SLX9: variants seen among roughly 807,000 people sequenced by gnomAD.
SLX9 encodes the protein SLX9 ribosome biogenesis factor.
SLX9 carries 19 observed loss-of-function variants against 20.8 expected under a neutral mutation model. The observed-to-expected ratio is 0.91, with a 90% CI of 0.64 to 1.34. SLX9 has a LOEUF of 1.34. SLX9 is among the 40% of genes most tolerant of loss of function. The probability of loss-of-function intolerance (pLI) is 0.00; values close to 1 mark genes in which losing one functional copy is unlikely to be tolerated. For missense variants in SLX9, 299 were observed against 322.2 expected, an observed-to-expected ratio of 0.93 and a Z score of 0.55; for synonymous variants, 113 against 137.1, an observed-to-expected ratio of 0.82 and a Z score of 1.23.
intron 2 of SLX9, among the ~76,000 whole-genome samples, chr21:44,958,657 T>A (rs964129389): frequency 2.0e-5 from 3 of 152,214 alleles, no homozygotes; most frequent in African/African-American, 7.2e-5. Context: ...CCGGAGCACT[T>A]CAGCAAGGGC....
At chr21:44,959,131 T>A in intron 2 of SLX9, 1 of 872,044 alleles carries the variant, frequency 1.1e-6, no homozygotes, top group African/African-American at 1.8e-5. Context: ...CCTTGGAGGT[T>A]TCACACCGGC....
chr21:44,960,528 A>T (rs1444247621), intron 3 of SLX9, among the ~76,000 whole-genome samples: 1 of 152,148 alleles, frequency 6.6e-6, no homozygotes, highest in African/African-American at 2.4e-5. Context: ...TTTGTTCCCC[A>T]CCGTGAAATT....
chr21:44,973,703 C>T (rs888182024), intron 5 of SLX9, among the ~76,000 whole-genome samples: 16 of 150,722 alleles, frequency 1.1e-4, no homozygotes, highest in Non-Finnish European at 1.6e-4. Context: ...TGTGCCCCCA[C>T]CCCGCCCTCT....
rs759567934 is a variant in SLX9 at position 44,943,850 on chromosome 21, C to T, written c.283+13C>T. ...TCCATCAGGAGAGGTGAGGCAGGCT[C>T]GACGGGTTACCATGCTGATACCCAG... On this transcript the variant is annotated intron_variant, in intron 2 of 5. Coordinates refer to ENST00000291634, the MANE Select transcript of SLX9 (RefSeq NM_058190.4). The T allele has an allele frequency of 4.0e-5, 65 of 1,613,814 alleles. No homozygotes were observed. The highest frequency in any genetic ancestry group is 5.0e-5 in the Admixed American group (3 of 60,000).
At chr21:44,969,636 C>T (rs1293239576) in intron 4 of SLX9, among the ~76,000 whole-genome samples, 1 of 152,188 alleles carries the variant, frequency 6.6e-6, no homozygotes, top group African/African-American at 2.4e-5. Context: ...AAGATGGTGC[C>T]AAGAGCTCCA....
chr21:44,976,604 C>T, intron 5 of SLX9, 76 bp from the exon 6 acceptor site: 5 of 1,527,070 alleles, frequency 3.3e-6, no homozygotes, highest in South Asian at 1.2e-5. Context: ...ATTTCGGTGT[C>T]TGACGTTTCC....
chr21:44,942,255 G>A (rs560436221), intron 1 of SLX9, among the ~76,000 whole-genome samples: 1 of 152,200 alleles, frequency 6.6e-6, no homozygotes, highest in African/African-American at 2.4e-5. Context: ...CTGTTTGCCT[G>A]TGAGGCCTCA....
chr21:44,970,263 T>A (rs939511743), intron 4 of SLX9, among the ~76,000 whole-genome samples: 10 of 152,252 alleles, frequency 6.6e-5, no homozygotes, highest in Admixed American at 3.3e-4. Flanking sequence ...GTGTCGCTCA[T>A]GCGCCGGTGT....
chr21:44,952,252 G>A (rs1007473045), intron 2 of SLX9, among the ~76,000 whole-genome samples: 2 of 152,252 alleles, frequency 1.3e-5, no homozygotes, highest in Non-Finnish European at 2.9e-5. Flanking sequence ...TCCCTGGGCC[G>A]CTGTCTTGGG....
At position 44,949,242 on chromosome 21, in the gene SLX9, C is replaced by T. The variant is rs755657153; in HGVS notation, c.283+5405C>T. On this transcript the variant is annotated intron_variant, in intron 2 of 5. Coordinates refer to ENST00000291634, the MANE Select transcript of SLX9 (RefSeq NM_058190.4). ...GGCTCTGTGGAGCATGCAGCCCTGG[C>T]TCCCCCTCGCACGGTTTGTGGCCTT... 9.2e-5 allele frequency among the ~76,000 whole-genome samples: 14 copies of T among 152,314 alleles called. No homozygotes were observed. In the South Asian group the frequency reaches 1.9e-3, roughly 20 times the overall value.
chr21:44,966,409 G>A (rs1387554098), intron 3 of SLX9, among the ~76,000 whole-genome samples: 1 of 152,242 alleles, frequency 6.6e-6, no homozygotes, highest in Non-Finnish European at 1.5e-5. Flanking sequence ...GGAGCCACGT[G>A]CAGTGAGCAG....
chr21:44,974,329 GCTGT>G (rs10538341), intron 5 of SLX9, among the ~76,000 whole-genome samples: 13,055 of 152,200 alleles, frequency 0.086, 992 homozygotes, highest in African/African-American at 0.21. Flanking sequence ...CTTAGAAGCT[GCTGT>G]CTGTTTTGTG....
Position 44,957,549 on chromosome 21 carries a change from C to T in SLX9, c.284-2551C>T, listed in dbSNP as rs1037869312. On this transcript the variant is annotated intron_variant, in intron 2 of 5. Transcript: ENST00000291634. ...CAGCCAGGAGCACCCTGGATACCAC[C>T]GGGTCCCAGGACCCAGATCGCAGGA... is the stretch of plus-strand genomic sequence containing the variant. Among the ~76,000 whole-genome samples, 11 of 152,336 alleles carry T rather than the reference C, an allele frequency of 7.2e-5. No homozygotes were observed. The East Asian group carries it at 1.7e-3, about 24-fold the overall frequency.
In SLX9 at chr21:44,953,119, C is replaced by A. The variant is rs1005252175; in HGVS notation, c.284-6981C>A. 2.0e-5 allele frequency among the ~76,000 whole-genome samples: 3 copies of A among 152,196 alleles called. No individual in the cohort carries two copies. In the East Asian group the frequency reaches 5.8e-4, roughly 29 times the overall value. On this transcript the variant is annotated intron_variant, in intron 2 of 5. Coordinates refer to ENST00000291634, the MANE Select transcript of SLX9 (RefSeq NM_058190.4). Reference sequence around the variant, plus strand: ...TTTTCCAGACCCCGCCTGGCAAGGCCCAGGCCGAGCCTGTGCAGCAGGCTC... The same window carrying A: ...TTTTCCAGACCCCGCCTGGCAAGGCACAGGCCGAGCCTGTGCAGCAGGCTC...
intron 1 of SLX9, among the ~76,000 whole-genome samples, chr21:44,941,839 G>A (rs968120847): frequency 1.3e-5 from 2 of 152,218 alleles, no homozygotes; most frequent in Non-Finnish European, 2.9e-5. Context: ...ACCACCCAGA[G>A]CTCCTTCCTG....
At chr21:44,952,437 C>G (rs1188222719) in intron 2 of SLX9, among the ~76,000 whole-genome samples, 1 of 152,250 alleles carries the variant, frequency 6.6e-6, no homozygotes, top group Admixed American at 6.5e-5. Context: ...GTGGCCTGAT[C>G]ACCTTGGGCC....
intron 4 of SLX9, among the ~76,000 whole-genome samples, chr21:44,969,453 T>G (rs558917116): frequency 6.6e-6 from 1 of 152,216 alleles, no homozygotes; most frequent in Non-Finnish European, 1.5e-5. Flanking sequence ...CCTGCCTCCC[T>G]GCGGGGCTCT....
At chr21:44,957,130 T>C (rs2084872890) in intron 2 of SLX9, among the ~76,000 whole-genome samples, 1 of 152,222 alleles carries the variant, frequency 6.6e-6, no homozygotes, top group South Asian at 2.1e-4. Context: ...CAGCTCATGC[T>C]GCAGGTTTTT....
chr21:44,951,377 G>A (rs927115653), intron 2 of SLX9, among the ~76,000 whole-genome samples: 30 of 152,106 alleles, frequency 2.0e-4, no homozygotes, highest in African/African-American at 7.2e-4. Context: ...GGAGGAAGCA[G>A]GGGGACAGGC....
Sources: gnomAD v4.1 joint callset for allele counts (sites outside exome capture counted in the v4.1 genomes callset) on GRCh38, gnomAD v4.1.1 for gene constraint, MANE v1.5 for transcripts, NCBI Gene and HGNC (gene_info 2026-07-23, HGNC 2026-07-21) for gene names.